Variants in TTC28 observed in about 807,000 individuals in gnomAD.
The protein encoded by TTC28 is tetratricopeptide repeat protein 28.
In TTC28, 61 loss-of-function variants were observed where a neutral mutation model predicts 198.0. The ratio of observed to expected loss-of-function variants is 0.31; its 90% CI spans 0.25 to 0.38. The LOEUF (loss-of-function observed/expected upper bound fraction) is 0.38. Among genes scored for constraint, TTC28 ranks in the 10% least tolerant of loss-of-function variants. The probability of loss-of-function intolerance (pLI) is 1.00; values close to 1 mark genes in which losing one functional copy is unlikely to be tolerated. For missense variants in TTC28, 2,678 were observed against 3,164.0 expected (o/e 0.85, Z 3.69); for synonymous variants, 1,171 against 1,297.8 (o/e 0.90, Z 2.10).
chr22:28,167,891 G>A (rs1199175399), intron 5 of TTC28, among the ~76,000 whole-genome samples: 1 of 152,212 alleles, frequency 6.6e-6, no homozygotes, highest in Non-Finnish European at 1.5e-5. Context: ...GTCCCTGTTT[G>A]CAGATGACAT....
In TTC28 at chr22:28,677,193, TATATATATAC is replaced by T. The variant is rs1481936550; in HGVS notation, c.102+2419_102+2428del. ...AAAAAAAAATATATATATATATATATATATATATACACACATATATATTAAGTTAAAACCC... is the reference window on the plus strand; with the variant it reads ...AAAAAAAAATATATATATATATATATACACATATATATTAAGTTAAAACCC... On this transcript the variant is annotated intron_variant, in intron 1 of 22. Transcript: ENST00000397906. Among the ~76,000 whole-genome samples, 335 of 113,838 alleles carry T rather than the reference TATATATATAC, an allele frequency of 2.9e-3. 2 individuals are homozygous for T. Among genetic ancestry groups the T allele is most frequent in the African/African-American group, 4.0e-3 (113 of 28,286 alleles). The allele number at this position is 113,838 out of a possible 152,430, so 74.7% of individuals were successfully genotyped here. A position where few individuals can be genotyped will look rare whatever the true frequency, so the allele number is the denominator to read the frequency against.
intron 2 of TTC28, among the ~76,000 whole-genome samples, chr22:28,310,669 A>G (rs2045240094): frequency 6.6e-6 from 1 of 152,246 alleles, no homozygotes; most frequent in African/African-American, 2.4e-5. Flanking sequence ...GTAATATGTA[A>G]TGATATATAG....
At chr22:28,458,979 T>C (rs1371166604) in intron 2 of TTC28, among the ~76,000 whole-genome samples, 1 of 152,126 alleles carries the variant, frequency 6.6e-6, no homozygotes, top group African/African-American at 2.4e-5. Flanking sequence ...TAAAAGATTA[T>C]TGAACATAAC....
intron 5 of TTC28, among the ~76,000 whole-genome samples, chr22:28,255,762 C>T (rs568450679): frequency 9.3e-5 from 14 of 150,682 alleles, no homozygotes; most frequent in Non-Finnish European, 1.8e-4. Context: ...TGGTGGCTGA[C>T]TTCCCAGTCT....
intron 2 of TTC28, among the ~76,000 whole-genome samples, chr22:28,397,787 A>G (rs1048866803): frequency 2.0e-5 from 3 of 152,188 alleles, no homozygotes; most frequent in Admixed American, 6.5e-5. Context: ...CCCGCATTCT[A>G]TGTTCTTTCT....
At chr22:28,489,824 T>C (rs917076984) in intron 2 of TTC28, among the ~76,000 whole-genome samples, 4 of 152,202 alleles carry the variant, frequency 2.6e-5, no homozygotes, top group African/African-American at 9.6e-5. Context: ...CTGGGTGTAT[T>C]AGGGTTCTCT....
intron 2 of TTC28, among the ~76,000 whole-genome samples, chr22:28,531,830 A>G (rs1437818370): frequency 6.6e-6 from 1 of 152,226 alleles, no homozygotes. Context: ...AACGAAATGA[A>G]GGCAGAAGTA....
At chr22:28,082,370 T>C (rs949845477) in intron 12 of TTC28, among the ~76,000 whole-genome samples, 2 of 152,214 alleles carry the variant, frequency 1.3e-5, no homozygotes, top group African/African-American at 4.8e-5. Context: ...CTCATTAGTA[T>C]GATGTTAGCT....
At chr22:28,164,767 C>G (rs942273364) in intron 5 of TTC28, among the ~76,000 whole-genome samples, 2 of 152,160 alleles carry the variant, frequency 1.3e-5, no homozygotes, top group Non-Finnish European at 2.9e-5. Flanking sequence ...CAGTTCCTCA[C>G]CAACAATGGA....
intron 2 of TTC28, among the ~76,000 whole-genome samples, chr22:28,377,409 C>A (rs1024703329): frequency 6.6e-6 from 1 of 151,122 alleles, no homozygotes; most frequent in African/African-American, 2.4e-5. Context: ...ACTTTCTTTA[C>A]AATATTTATA....
chr22:28,096,100 C>T, intron 11 of TTC28, 90 bp downstream of exon 11: 2 of 1,433,298 alleles, frequency 1.4e-6, no homozygotes, highest in Non-Finnish European at 1.8e-6. Flanking sequence ...TTAGTATGAT[C>T]TATGATAATG....
chr22:28,287,862 G>A (rs922056494), intron 5 of TTC28, among the ~76,000 whole-genome samples: 5 of 152,168 alleles, frequency 3.3e-5, no homozygotes, highest in South Asian at 2.1e-4. Context: ...CTAGAATCAG[G>A]GCAGGGTTAA....
At chr22:28,397,976 A>G (rs2046843009) in intron 2 of TTC28, among the ~76,000 whole-genome samples, 1 of 152,198 alleles carries the variant, frequency 6.6e-6, no homozygotes, top group Admixed American at 6.5e-5. Flanking sequence ...TTTATTAATC[A>G]GGTCTGAACA....
At chr22:28,424,558 A>T (rs183023067) in intron 2 of TTC28, among the ~76,000 whole-genome samples, 18 of 152,332 alleles carry the variant, frequency 1.2e-4, no homozygotes, top group Admixed American at 1.1e-3. Flanking sequence ...GTCATAGTAT[A>T]AATATAATAA....
intron 2 of TTC28, among the ~76,000 whole-genome samples, chr22:28,443,308 T>C (rs2146234255): frequency 6.6e-6 from 1 of 152,266 alleles, no homozygotes; most frequent in East Asian, 1.9e-4. Context: ...TCCAAACCCC[T>C]TTTGGCGAAT....
intron 3 of TTC28, among the ~76,000 whole-genome samples, chr22:28,305,747 T>C (rs1204717277): frequency 2.0e-5 from 3 of 152,174 alleles, no homozygotes; most frequent in Non-Finnish European, 2.9e-5. Flanking sequence ...TCCCCAAAGA[T>C]AGCAATTGCT....
chr22:28,133,250 C>A lies in TTC28; in HGVS notation c.1442-24847G>T, dbSNP rs189715414. Reference sequence around the variant, plus strand: ...TCAAAAATAAATAAATAGGGAGTTCCAAGATGGCCAAATAGGATCAGCTCA... The same window carrying A: ...TCAAAAATAAATAAATAGGGAGTTCAAAGATGGCCAAATAGGATCAGCTCA... On this transcript the variant is annotated intron_variant, in intron 6 of 22. Coordinates refer to ENST00000397906, the MANE Select transcript of TTC28 (RefSeq NM_001145418.2). Among the ~76,000 whole-genome samples the A allele has an allele frequency of 2.4e-4, 37 of 152,170 alleles. No homozygotes were observed. The East Asian group carries it at 5.2e-3, about 21-fold the overall frequency.
chr22:28,376,830 G>A (rs1216829374), intron 2 of TTC28, among the ~76,000 whole-genome samples: 3 of 152,100 alleles, frequency 2.0e-5, no homozygotes, highest in East Asian at 1.9e-4. Flanking sequence ...CCGACCTGAC[G>A]TCTTCAGCTG....
intron 5 of TTC28, among the ~76,000 whole-genome samples, chr22:28,277,503 T>A (rs1412928048): frequency 6.6e-6 from 1 of 152,176 alleles, no homozygotes; most frequent in Non-Finnish European, 1.5e-5. Flanking sequence ...ATGACAAAAA[T>A]TAAACAAACC....
Sources: allele counts gnomAD v4.1 joint callset (sites outside exome capture counted in the v4.1 genomes callset), GRCh38; gene constraint gnomAD v4.1.1; transcripts MANE v1.5; gene names NCBI Gene and HGNC (gene_info 2026-07-23, HGNC 2026-07-21).